Variants in PAN3 observed in about 807,000 individuals in gnomAD.
PAN3 encodes the protein PAN2-PAN3 deadenylation complex subunit PAN3.
PAN3 carries 19 observed loss-of-function variants against 96.2 expected under a neutral mutation model. The observed-to-expected ratio is 0.20, with a 90% CI of 0.14 to 0.29. The LOEUF is 0.29. Ranked by LOEUF, PAN3 falls within the 10% of genes least tolerant of loss-of-function variation. The pLI is 1.00. For missense variants in PAN3, 882 were observed against 1,108.1 expected (o/e 0.80, Z 2.90); for synonymous variants, 433 against 406.6 (o/e 1.06, Z -0.78).
chr13:28,156,165 T>C lies in PAN3; in HGVS notation c.430+17078T>C, dbSNP rs369721071. On this transcript the variant is annotated intron_variant, in intron 1 of 18. Coordinates refer to ENST00000380958, the MANE Select transcript of PAN3 (RefSeq NM_175854.8). Reference sequence around the variant, plus strand: ...ATAATAAATAAGATTGCTAGACTGCTAACTAGACTAATACAGAAAAAAGAA... The same window carrying C: ...ATAATAAATAAGATTGCTAGACTGCCAACTAGACTAATACAGAAAAAAGAA... Among the ~76,000 whole-genome samples, 8 of 151,140 alleles carry C rather than the reference T, an allele frequency of 5.3e-5. No individual in the cohort carries two copies. In the East Asian group the frequency reaches 1.5e-3, roughly 29 times the overall value.
rs190115077 is a variant in PAN3 at position 28,225,841 on chromosome 13, A to G, written c.1000+5463A>G. On this transcript the variant is annotated intron_variant, in intron 6 of 18. Transcript: ENST00000380958. ...TGTCCATATAACTGATTTATTTGTAAGACAGACAAGGTGGCGTCAGGCAAC... is the reference window on the plus strand; with the variant it reads ...TGTCCATATAACTGATTTATTTGTAGGACAGACAAGGTGGCGTCAGGCAAC... 3.2e-3 allele frequency among the ~76,000 whole-genome samples: 487 copies of G among 152,334 alleles called. 3 individuals are homozygous for G. Among genetic ancestry groups the G allele is most frequent in the African/African-American group, 0.011 (459 of 41,582 alleles).
intron 6 of PAN3, among the ~76,000 whole-genome samples, chr13:28,244,923 A>C (rs1469879785): frequency 6.6e-6 from 1 of 152,026 alleles, no homozygotes; most frequent in East Asian, 1.9e-4. Flanking sequence ...ATCTTGGCTC[A>C]CTGCAACCTC....
chr13:28,166,025 C>T (rs547748868), intron 1 of PAN3, among the ~76,000 whole-genome samples: 5 of 152,228 alleles, frequency 3.3e-5, no homozygotes, highest in South Asian at 2.1e-4. Context: ...CATTCTGCCC[C>T]GATCCCTTAA....
At chr13:28,177,231 T>C (rs1294375399) in intron 3 of PAN3, among the ~76,000 whole-genome samples, 2 of 152,230 alleles carry the variant, frequency 1.3e-5, no homozygotes, top group Non-Finnish European at 2.9e-5. Flanking sequence ...ATTTTATTTG[T>C]AACTTCTTTC....
In PAN3 at chr13:28,138,966, C is replaced by G; in HGVS notation, c.309C>G (p.Val103=). The change falls in exon 1 of 19, where the codon GTC becomes GTG. Residue 103 remains valine, a synonymous_variant. Coordinates refer to ENST00000380958, the MANE Select transcript of PAN3 (RefSeq NM_175854.8). ...APVAGFPPGA[V]AGGGAGPPPG... is the part of the protein sequence containing the mutation. ...TGGCCGGCTTTCCGCCGGGAGCCGT[C>G]GCGGGCGGGGGAGCTGGGCCGCCCC... is the stretch of plus-strand genomic sequence containing the variant. 1 of 1,286,266 alleles carries G rather than the reference C, an allele frequency of 7.8e-7. No individual in the cohort carries two copies. Among genetic ancestry groups the G allele is most frequent in the Non-Finnish European group, 9.8e-7 (1 of 1,017,298 alleles). The allele number at this position is 1,286,266 out of a possible 1,614,324, so 79.7% of individuals were successfully genotyped here.
Position 28,167,250 on chromosome 13 carries a change from T to TGGC in PAN3, c.431-7021_431-7019dup, listed in dbSNP as rs540207926. Among the ~76,000 whole-genome samples, 237 of 152,020 alleles carry TGGC rather than the reference T, an allele frequency of 1.6e-3. 2 individuals are homozygous for TGGC. The highest frequency in any genetic ancestry group is 5.4e-3 in the African/African-American group (224 of 41,478). On this transcript the variant is annotated intron_variant, in intron 1 of 18. Transcript: ENST00000380958. ...CTCTGTTGCCCAGGCTAGAGTGCAGTGGCACAATCTCAGCTAGCTGCAACC... is the reference window on the plus strand; with the variant it reads ...CTCTGTTGCCCAGGCTAGAGTGCAGTGGCGGCACAATCTCAGCTAGCTGCAACC...
chr13:28,248,894 A>C (rs1884456042), intron 6 of PAN3, among the ~76,000 whole-genome samples: 1 of 152,088 alleles, frequency 6.6e-6, no homozygotes, highest in South Asian at 2.1e-4. Context: ...TTTTTTACCC[A>C]GTTTGTTGTT....
chr13:28,168,093 A>T (rs1014067165), intron 1 of PAN3, among the ~76,000 whole-genome samples: 11 of 152,184 alleles, frequency 7.2e-5, no homozygotes, highest in African/African-American at 2.4e-4. Flanking sequence ...CACATTGTGG[A>T]TTAAGTTTCA....
intron 17 of PAN3, among the ~76,000 whole-genome samples, chr13:28,282,922 ATGTCC>A (rs1868472612): frequency 2.0e-5 from 3 of 152,024 alleles, no homozygotes. Context: ...TTAATGGAGC[ATGTCC>A]TTGTAGCTTC....
At chr13:28,146,454 C>T (rs1870664925) in intron 1 of PAN3, among the ~76,000 whole-genome samples, 1 of 152,006 alleles carries the variant, frequency 6.6e-6, no homozygotes, top group Admixed American at 6.6e-5. Flanking sequence ...AGTATTTTCT[C>T]AGACTTTCAG....
chr13:28,203,807 CTTTT>C (rs767439908), intron 5 of PAN3, among the ~76,000 whole-genome samples: 1 of 139,842 alleles, frequency 7.2e-6, no homozygotes, highest in African/African-American at 2.6e-5. Flanking sequence ...TTTTTCTTTT[CTTTT>C]TTTTTTTTTT....
At chr13:28,168,564 C>A (rs975047192) in intron 1 of PAN3, among the ~76,000 whole-genome samples, 1 of 152,050 alleles carries the variant, frequency 6.6e-6, no homozygotes, top group African/African-American at 2.4e-5. Flanking sequence ...ACTAAAAATA[C>A]AAAAATTAGC....
At chr13:28,224,231 G>A (rs1183411496) in intron 6 of PAN3, among the ~76,000 whole-genome samples, 1 of 152,138 alleles carries the variant, frequency 6.6e-6, no homozygotes, top group East Asian at 1.9e-4. Flanking sequence ...GAATTTTCCC[G>A]AGTATTTTTA....
At chr13:28,198,198 A>G (rs1878290815) in intron 5 of PAN3, among the ~76,000 whole-genome samples, 1 of 151,924 alleles carries the variant, frequency 6.6e-6, no homozygotes, top group African/African-American at 2.4e-5. Flanking sequence ...AGGCAGAAGA[A>G]TGGCTTGAAC....
Position 28,139,313 on chromosome 13 carries a change from A to T in PAN3, c.430+226A>T, listed in dbSNP as rs1453715370. Among the ~76,000 whole-genome samples the T allele has an allele frequency of 3.0e-4, 38 of 126,666 alleles. 1 individual carries two copies. In the Admixed American group the frequency reaches 3.1e-3, roughly 10 times the overall value. The allele number at this position is 126,666 out of a possible 152,430, so 83.1% of individuals were successfully genotyped here. A position where few individuals can be genotyped will look rare whatever the true frequency, so the allele number is the denominator to read the frequency against. ...AGCGCGGGGAGGTTGGGTTCCCGGG[A>T]ACGTGGGTGGGAGGACTGGGGTGAT... On this transcript the variant is annotated intron_variant, in intron 1 of 18. Transcript: ENST00000380958.
intron 6 of PAN3, among the ~76,000 whole-genome samples, chr13:28,221,303 CT>C (rs1483861938): frequency 1.3e-5 from 2 of 151,282 alleles, no homozygotes; most frequent in African/African-American, 4.9e-5. Flanking sequence ...ACAAATTAGG[CT>C]TCTAGAACCT....
At chr13:28,252,583 C>G (rs1013011458) in intron 6 of PAN3, among the ~76,000 whole-genome samples, 1 of 151,992 alleles carries the variant, frequency 6.6e-6, no homozygotes, top group Admixed American at 6.6e-5. Context: ...AGTAGACATT[C>G]CTGTGTTGTT....
At chr13:28,238,380 A>C (rs1469740853) in intron 6 of PAN3, among the ~76,000 whole-genome samples, 7 of 152,240 alleles carry the variant, frequency 4.6e-5, no homozygotes, top group African/African-American at 1.7e-4. Context: ...TGAGGAATCA[A>C]TAAGGCATTA....
At chr13:28,248,356 G>A (rs1347034310) in intron 6 of PAN3, among the ~76,000 whole-genome samples, 1 of 151,936 alleles carries the variant, frequency 6.6e-6, no homozygotes, top group Admixed American at 6.6e-5. Flanking sequence ...ATATCACGTT[G>A]CCTACAAACA....
Sources: gnomAD v4.1 joint callset for allele counts (sites outside exome capture counted in the v4.1 genomes callset) on GRCh38, gnomAD v4.1.1 for gene constraint, MANE v1.5 for transcripts, NCBI Gene and HGNC (gene_info 2026-07-23, HGNC 2026-07-21) for gene names.